Variants in ZSCAN5C observed in about 807,000 individuals in gnomAD.
The protein encoded by ZSCAN5C is zinc finger and SCAN domain containing 5C.
A neutral mutation model predicts 17.3 loss-of-function variants in ZSCAN5C; 11 were observed. That is an observed-to-expected ratio of 0.64 (90% CI 0.40 to 1.06). The LOEUF is 1.06. Ranked by LOEUF, ZSCAN5C falls within the 50% of genes least tolerant of loss-of-function variation. ZSCAN5C has a pLI of 0.00. For missense variants in ZSCAN5C, 698 were observed against 538.9 expected (o/e 1.30, Z -2.92); for synonymous variants, 229 against 208.4 (o/e 1.10, Z -0.85).
At chr19:56,203,441 G>C (rs962184771) in intron 1 of ZSCAN5C, among the ~76,000 whole-genome samples, 1 of 151,716 alleles carries the variant, frequency 6.6e-6, no homozygotes, top group Admixed American at 6.6e-5. Context: ...TTGGTCATGA[G>C]GATGCTTAAA....
chr19:56,206,043 C>A (rs1052544157), exon 2 of ZSCAN5C: 9 of 1,613,378 alleles, frequency 5.6e-6, no homozygotes, highest in African/African-American at 1.3e-5. Flanking sequence ...TGAGACTTGT[C>A]ACGTGAACTT....
exon 2 of ZSCAN5C, chr19:56,206,019 C>A (rs768029746): frequency 1.2e-6 from 2 of 1,611,806 alleles, no homozygotes; most frequent in African/African-American, 2.7e-5. Context: ...ACTTGGAAAT[C>A]ATGACAGTGA....
Position 56,208,675 on chromosome 19 carries a change from A to C in ZSCAN5C, c.966A>C (p.Arg322Ser), listed in dbSNP as rs187259683. Residue 322 changes from arginine (R) to serine (S), a missense_variant, in exon 5 of 5, where the codon AGA (arginine) becomes AGC (serine). Physicochemically the swap from Arg to Ser is moderately radical, Grantham distance 110. Transcript: ENST00000534327. Reference sequence around the variant, plus strand: ...GAGAAGCCACACCTGTGGGCAACAGAGAATCCCCGGGACAAGCTGAGATCA... The same window carrying C: ...GAGAAGCCACACCTGTGGGCAACAGCGAATCCCCGGGACAAGCTGAGATCA... 115 of 1,612,684 alleles carry C rather than the reference A, an allele frequency of 7.1e-5. 4 individuals carry two copies. In the African/African-American group the frequency reaches 8.8e-4, roughly 12 times the overall value.
intron 4 of ZSCAN5C, 36 bp downstream of exon 4, chr19:56,208,220 C>A: frequency 1.3e-6 from 1 of 753,858 alleles, no homozygotes; most frequent in South Asian, 1.4e-5. Context: ...TGGAGATAGC[C>A]CCTCTCTTCT....
chr19:56,204,989 G>A (rs1198076063), intron 1 of ZSCAN5C, among the ~76,000 whole-genome samples: 1 of 148,430 alleles, frequency 6.7e-6, no homozygotes, highest in Non-Finnish European at 1.5e-5. Context: ...AAGAGCACTA[G>A]ACTTTAAATC....
chr19:56,205,750 G>A, intron 1 of ZSCAN5C, 37 bp from the exon 2 acceptor site: 1 of 580,314 alleles, frequency 1.7e-6, no homozygotes, highest in Non-Finnish European at 3.1e-6. Context: ...GGGTAGAGTA[G>A]AAACTTTAAC....
At chr19:56,202,806 T>C (rs2032885320) in intron 1 of ZSCAN5C, among the ~76,000 whole-genome samples, 1 of 151,994 alleles carries the variant, frequency 6.6e-6, no homozygotes, top group South Asian at 2.1e-4. Context: ...GCTCCCATCT[T>C]GGTCTTCCAA....
Position 56,202,648 on chromosome 19 carries a change from G to A in ZSCAN5C, c.-128+326G>A, listed in dbSNP as rs150060243. Reference sequence around the variant, plus strand: ...TGCCCAGACTAGACTGGAATTCCCGGACTCAAACGATCCGCCTGCCTCTGC... The same window carrying A: ...TGCCCAGACTAGACTGGAATTCCCGAACTCAAACGATCCGCCTGCCTCTGC... On this transcript the variant is annotated intron_variant, in intron 1 of 4. Coordinates refer to ENST00000534327, the Ensembl canonical transcript of ZSCAN5C. 7.2e-3 allele frequency among the ~76,000 whole-genome samples: 1,094 copies of A among 151,944 alleles called. 31 individuals carry two copies. Among genetic ancestry groups the A allele is most frequent in the African/African-American group, 0.025 (1,049 of 41,236 alleles).
At chr19:56,204,602 C>A (rs933920542) in intron 1 of ZSCAN5C, among the ~76,000 whole-genome samples, 12 of 151,688 alleles carry the variant, frequency 7.9e-5, no homozygotes, top group Admixed American at 7.9e-4. Context: ...TGCACAGGAG[C>A]CCCGTGAGAT....
At chr19:56,205,415 A>T (rs1568590116) in intron 1 of ZSCAN5C, among the ~76,000 whole-genome samples, 1 of 151,922 alleles carries the variant, frequency 6.6e-6, no homozygotes, top group Non-Finnish European at 1.5e-5. Context: ...ATGACTAAGG[A>T]TTTGCCTTGG....
chr19:56,206,444 T>C (rs2032922590), intron 2 of ZSCAN5C, 147 bp downstream of exon 2: 2 of 1,293,896 alleles, frequency 1.5e-6, no homozygotes, highest in Non-Finnish European at 2.1e-6. Flanking sequence ...CACATGGCAG[T>C]GTCTGGGGAC....
chr19:56,207,996 A>C (rs1251380995), intron 3 of ZSCAN5C, 38 bp from the exon 4 acceptor site: 2 of 699,484 alleles, frequency 2.9e-6, no homozygotes, highest in African/African-American at 3.5e-5. Flanking sequence ...CCACCGGTTT[A>C]GGCATGGCAG....
chr19:56,208,015 G>A lies in ZSCAN5C; in HGVS notation c.589-19G>A. On this transcript the variant is annotated intron_variant, in intron 3 of 4. Transcript: ENST00000534327. ...CGGTTTAGGCATGGCAGTCATTGCT[G>A]TTGGTTTTCCATTCTCAGGAAGAGG... 1.4e-6 allele frequency: 1 copy of A among 710,666 alleles called. No individual in the cohort carries two copies. The highest frequency in any genetic ancestry group is 2.6e-6 in the Non-Finnish European group (1 of 387,088). 44.0% of individuals were successfully genotyped at this position (710,666 alleles called of 1,614,324 possible).
exon 5 of ZSCAN5C, chr19:56,208,790 T>C (rs201605886): frequency 2.5e-4 from 390 of 1,584,914 alleles, no homozygotes; most frequent in Middle Eastern, 2.3e-3. Flanking sequence ...ATGTGAGGTG[T>C]GCGGCAAGAG....
rs147933474 is a variant in ZSCAN5C, at chr19:56,205,850, G to A, written c.-64G>A. 3,596 of 721,906 alleles carry A rather than the reference G, an allele frequency of 5.0e-3. 128 individuals carry two copies. The African/African-American group carries it at 0.053, about 11-fold the overall frequency. 44.7% of individuals were successfully genotyped at this position (721,906 alleles called of 1,614,324 possible). A position where few individuals can be genotyped will look rare whatever the true frequency, so the allele number is the denominator to read the frequency against. The stretch of plus-strand genomic sequence containing the variant: ...CAGGGGTGGCCTGTGTATATAGGTC[G>A]CAATTAGACACCGGCTTCTGGAAGA... On this transcript the variant is annotated 5_prime_UTR_variant, in exon 2 of 5. Transcript: ENST00000534327.
intron 2 of ZSCAN5C, 74 bp from the exon 3 acceptor site, chr19:56,206,984 TG>T (rs1210559654): frequency 7.6e-6 from 5 of 656,096 alleles, no homozygotes; most frequent in African/African-American, 7.1e-5. Context: ...GTGAGCATTA[TG>T]GCAGGACCCA....
chr19:56,209,097 C>A, exon 5 of ZSCAN5C: 1 of 1,587,492 alleles, frequency 6.3e-7, no homozygotes, highest in Non-Finnish European at 8.6e-7. Context: ...CGCATCCACT[C>A]TGGAGAGAAA....
Position 56,207,185 on chromosome 19 carries a change from C to T in ZSCAN5C, c.511C>T (p.Gln171Ter), listed in dbSNP as rs1207502030. Residue 171 changes from glutamine (Q) to a stop codon, truncating the protein, a stop_gained, in exon 3 of 5, where the codon CAG (glutamine) becomes TAG (stop). Transcript: ENST00000534327. LOFTEE classifies it high-confidence loss of function. The stretch of plus-strand genomic sequence containing the variant: ...CAGCCAGCGGACCTCCTCTGTGAAC[C>T]AGATGTGTCCGGAGGAAGGCCAGGC... 2 of 778,602 alleles carry T rather than the reference C, an allele frequency of 2.6e-6. No individual in the cohort carries two copies. The highest frequency in any genetic ancestry group is 4.8e-6 in the Non-Finnish European group (2 of 418,466). The allele number at this position is 778,602 out of a possible 1,614,324, so 48.2% of individuals were successfully genotyped here.
intron 2 of ZSCAN5C, among the ~76,000 whole-genome samples, chr19:56,206,600 C>G (rs1034293828): frequency 6.6e-6 from 1 of 151,728 alleles, no homozygotes; most frequent in Non-Finnish European, 1.5e-5. Flanking sequence ...GATGGACAGG[C>G]AGAGGGGGTA....
Sources: gnomAD v4.1 joint callset for allele counts (sites outside exome capture counted in the v4.1 genomes callset) on GRCh38, gnomAD v4.1.1 for gene constraint, MANE v1.5 for transcripts, NCBI Gene and HGNC (gene_info 2026-07-23, HGNC 2026-07-21) for gene names.